Variants in SLC8A1 observed in about 807,000 individuals in gnomAD.
SLC8A1 encodes solute carrier family 8 member A1.
In SLC8A1, 18 loss-of-function variants were observed where a neutral mutation model predicts 68.3. That is an observed-to-expected ratio of 0.26 (90% CI 0.18 to 0.39). The LOEUF (loss-of-function observed/expected upper bound fraction) is 0.39, where lower values mean the gene tolerates loss of function less well. Among genes scored for constraint, SLC8A1 ranks in the 10% least tolerant of loss-of-function variants. SLC8A1 has a pLI of 1.00. For missense variants in SLC8A1, 985 were observed against 1,156.7 expected, an observed-to-expected ratio of 0.85 and a Z score of 2.15; for synonymous variants, 475 against 415.5, an observed-to-expected ratio of 1.14 and a Z score of -1.74.
At chr2:40,406,864 G>A (rs1414718829) in intron 2 of SLC8A1, among the ~76,000 whole-genome samples, 1 of 152,178 alleles carries the variant, frequency 6.6e-6, no homozygotes, top group African/African-American at 2.4e-5. Flanking sequence ...TATATGATAT[G>A]CATTCCCCCT....
chr2:40,459,247 G>A (rs75189893), intron 1 of SLC8A1, among the ~76,000 whole-genome samples: 403 of 152,248 alleles, frequency 2.6e-3, no homozygotes, highest in South Asian at 8.5e-3. Flanking sequence ...GGAATAGAAA[G>A]GTTTAGGGAA....
intron 2 of SLC8A1, among the ~76,000 whole-genome samples, chr2:40,238,078 C>G (rs557119923): frequency 2.0e-5 from 3 of 152,242 alleles, no homozygotes; most frequent in South Asian, 2.1e-4. Context: ...GCCCTGCCCC[C>G]AGAGGTGGAG....
intron 1 of SLC8A1, among the ~76,000 whole-genome samples, chr2:40,475,645 C>T (rs943893294): frequency 1.3e-5 from 2 of 151,832 alleles, no homozygotes; most frequent in Admixed American, 6.6e-5. Context: ...TACATGTACA[C>T]ATGCATACAT....
At chr2:40,232,447 G>A (rs1417433775) in intron 2 of SLC8A1, among the ~76,000 whole-genome samples, 3 of 151,016 alleles carry the variant, frequency 2.0e-5, no homozygotes, top group Non-Finnish European at 2.9e-5. Context: ...TTTATATAGA[G>A]TGGTGTGCCT....
intron 2 of SLC8A1, among the ~76,000 whole-genome samples, chr2:40,233,762 C>T (rs1328845108): frequency 2.7e-5 from 4 of 150,582 alleles, no homozygotes; most frequent in African/African-American, 9.8e-5. Flanking sequence ...CCATCTTGAA[C>T]TGATTTTTGT....
intron 2 of SLC8A1, among the ~76,000 whole-genome samples, chr2:40,381,184 G>C (rs78599062): frequency 0.069 from 10,523 of 151,854 alleles, 1,194 homozygotes; most frequent in African/African-American, 0.24. Flanking sequence ...GGCTGCACTC[G>C]GCAATACCAC....
At chr2:40,430,172 T>C (rs113726948) in exon 2 of SLC8A1, 15 of 1,613,762 alleles carry the variant, frequency 9.3e-6, no homozygotes, top group Non-Finnish European at 1.3e-5. Context: ...TCCATTTCTG[T>C]CTCAGCAATT....
At chr2:40,287,870 C>T (rs988725571) in intron 2 of SLC8A1, among the ~76,000 whole-genome samples, 1 of 152,064 alleles carries the variant, frequency 6.6e-6, no homozygotes, top group Non-Finnish European at 1.5e-5. Context: ...CCTCACCAAA[C>T]CCCAGCTCTG....
At chr2:40,407,320 C>G (rs1401468567) in intron 2 of SLC8A1, among the ~76,000 whole-genome samples, 2 of 152,206 alleles carry the variant, frequency 1.3e-5, no homozygotes, top group Non-Finnish European at 2.9e-5. Flanking sequence ...CCCGCCTCGG[C>G]CTCCCACAGT....
chr2:40,112,076 G>A (rs1235701892), exon 8 of SLC8A1: 1 of 152,354 alleles, frequency 6.6e-6, no homozygotes, highest in Admixed American at 6.5e-5. Context: ...CCGAAGGGTT[G>A]ACGTTTGCAA....
rs534688933 is a variant in SLC8A1, at chr2:40,508,591, G to A, written c.-25+3758C>T. On this transcript the variant is annotated intron_variant, in intron 1 of 7. Coordinates refer to the SLC8A1 transcript ENST00000402441. ...AGCATTCACATGGATTCAAGCTAAG[G>A]ACTATGATAGATATCAAATAGACAC... is the stretch of plus-strand genomic sequence containing the variant. 1.8e-4 allele frequency among the ~76,000 whole-genome samples: 28 copies of A among 152,050 alleles called. No homozygotes were observed. The South Asian group carries it at 5.0e-3, about 27-fold the overall frequency.
intron 2 of SLC8A1, among the ~76,000 whole-genome samples, chr2:40,214,063 G>A (rs372486162): frequency 6.6e-6 from 1 of 152,156 alleles, no homozygotes; most frequent in South Asian, 2.1e-4. Context: ...GGCTGAAGAA[G>A]TCCCATTTGA....
intron 1 of SLC8A1, among the ~76,000 whole-genome samples, chr2:40,445,336 T>G (rs981649708): frequency 6.6e-6 from 1 of 152,152 alleles, no homozygotes; most frequent in Non-Finnish European, 1.5e-5. Context: ...ATTCTCAAAC[T>G]AGATGAAAAG....
intron 2 of SLC8A1, among the ~76,000 whole-genome samples, chr2:40,294,869 T>C (rs1236184039): frequency 1.3e-5 from 2 of 152,284 alleles, no homozygotes; most frequent in South Asian, 2.1e-4. Flanking sequence ...CAATTTAATA[T>C]GGTCTATAGT....
intron 1 of SLC8A1, among the ~76,000 whole-genome samples, chr2:40,469,209 T>C (rs1703868404): frequency 6.6e-6 from 1 of 152,154 alleles, no homozygotes; most frequent in Admixed American, 6.6e-5. Context: ...GGTTTGACTC[T>C]GTGTCCCTAG....
intron 2 of SLC8A1, among the ~76,000 whole-genome samples, chr2:40,346,780 A>G (rs971324453): frequency 3.0e-4 from 46 of 152,120 alleles, no homozygotes; most frequent in South Asian, 6.2e-4. Context: ...AACTAAAGGA[A>G]AGGGAAAAAA....
At chr2:40,476,763 T>C (rs888395176) in intron 1 of SLC8A1, among the ~76,000 whole-genome samples, 2 of 152,180 alleles carry the variant, frequency 1.3e-5, no homozygotes, top group African/African-American at 4.8e-5. Flanking sequence ...ATAGATCATA[T>C]AGGGCCTTGA....
At chr2:40,329,440 A>T (rs1325636054) in intron 2 of SLC8A1, among the ~76,000 whole-genome samples, 3 of 152,314 alleles carry the variant, frequency 2.0e-5, no homozygotes, top group East Asian at 3.9e-4. Context: ...CCAAGGGCTG[A>T]ACTTCCTCTT....
chr2:40,475,906 G>T (rs1011117996), intron 1 of SLC8A1, among the ~76,000 whole-genome samples: 1 of 151,966 alleles, frequency 6.6e-6, no homozygotes, highest in Non-Finnish European at 1.5e-5. Context: ...TTTCTATGAT[G>T]CATCACATCA....
Sources: allele counts gnomAD v4.1 joint callset (sites outside exome capture counted in the v4.1 genomes callset), GRCh38; gene constraint gnomAD v4.1.1; transcripts MANE v1.5; gene names NCBI Gene and HGNC (gene_info 2026-07-23, HGNC 2026-07-21).